THSD7A: variants seen among roughly 807,000 people sequenced by gnomAD.
THSD7A encodes the protein thrombospondin type 1 domain containing 7A, also known as thrombospondin type-1 domain-containing protein 7A.
THSD7A carries 96 observed loss-of-function variants against 231.3 expected under a neutral mutation model. The observed-to-expected ratio is 0.41, with a 90% CI of 0.35 to 0.49. The LOEUF (loss-of-function observed/expected upper bound fraction) is 0.49. Among genes scored for constraint, THSD7A ranks in the 20% least tolerant of loss-of-function variants. THSD7A has a pLI of 0.05. For missense variants in THSD7A, 2,290 were observed against 2,070.2 expected (o/e 1.11, Z -2.06); for synonymous variants, 940 against 743.3 (o/e 1.26, Z -4.30).
intron 17 of THSD7A, among the ~76,000 whole-genome samples, chr7:11,413,058 C>T (rs1783838099): frequency 6.6e-6 from 1 of 151,938 alleles, no homozygotes; most frequent in South Asian, 2.1e-4. Flanking sequence ...CACAGCCACA[C>T]ATATGGTGGT....
At chr7:11,620,346 T>G (rs10486147) in intron 2 of THSD7A, among the ~76,000 whole-genome samples, 29,379 of 152,116 alleles carry the variant, frequency 0.19, 5,088 homozygotes, top group African/African-American at 0.46. Context: ...TGCAGTTACT[T>G]TTGTAGATAA....
intron 1 of THSD7A, among the ~76,000 whole-genome samples, chr7:11,701,114 AT>A (rs914423033): frequency 3.3e-5 from 5 of 151,174 alleles, no homozygotes; most frequent in African/African-American, 1.2e-4. Context: ...ATGTAATATA[AT>A]TTTTTTAGAG....
intron 4 of THSD7A, among the ~76,000 whole-genome samples, chr7:11,554,209 A>G (rs924558998): frequency 1.3e-5 from 2 of 151,984 alleles, no homozygotes; most frequent in African/African-American, 4.8e-5. Flanking sequence ...GCCTTTGCAA[A>G]CGTAATTAGT....
intron 4 of THSD7A, among the ~76,000 whole-genome samples, chr7:11,554,888 T>C (rs1415076592): frequency 1.3e-5 from 2 of 151,962 alleles, no homozygotes; most frequent in African/African-American, 4.8e-5. Flanking sequence ...AATTTATGTG[T>C]ATCAGGTTGT....
At chr7:11,706,272 G>T (rs1168708884) in intron 1 of THSD7A, among the ~76,000 whole-genome samples, 1 of 150,844 alleles carries the variant, frequency 6.6e-6, no homozygotes, top group Non-Finnish European at 1.5e-5. Flanking sequence ...CAACCCAAGT[G>T]CTGTGGTCTT....
chr7:11,372,727 G>A lies in THSD7A; in HGVS notation c.*3067C>T, dbSNP rs376194377. 6.6e-6 allele frequency: 1 copy of A among 151,960 alleles called. No individual in the cohort carries two copies. Among genetic ancestry groups the A allele is most frequent in the African/African-American group, 2.4e-5 (1 of 41,394 alleles). 9.4% of individuals were successfully genotyped at this position (151,960 alleles called of 1,614,324 possible). On this transcript the variant is annotated 3_prime_UTR_variant, in exon 28 of 28. Coordinates refer to ENST00000423059, the MANE Select transcript of THSD7A (RefSeq NM_015204.3). The stretch of plus-strand genomic sequence containing the variant: ...GTTCTACATCTTTTACCCCCTCGGT[G>A]AGGTAAAAGTGTCAATAGAGAAGTT...
chr7:11,541,300 T>C (rs1789135481), intron 6 of THSD7A, 119 bp downstream of exon 6: 4 of 963,820 alleles, frequency 4.2e-6, no homozygotes, highest in Non-Finnish European at 6.4e-6. Context: ...AAGCAGCTAT[T>C]TCTACGTTTG....
At chr7:11,512,040 C>G (rs942480212) in intron 6 of THSD7A, among the ~76,000 whole-genome samples, 2 of 152,114 alleles carry the variant, frequency 1.3e-5, no homozygotes, top group African/African-American at 4.8e-5. Flanking sequence ...ACTCATCTGA[C>G]AAAGGGCTAA....
At chr7:11,638,575 A>T (rs184589193) in intron 1 of THSD7A, among the ~76,000 whole-genome samples, 1 of 152,218 alleles carries the variant, frequency 6.6e-6, no homozygotes, top group Admixed American at 6.5e-5. Context: ...TGTGCTAACT[A>T]ATCATTATTG....
chr7:11,828,722 T>TAGAC lies in THSD7A; in HGVS notation c.190+3034_190+3035insGTCT, dbSNP rs1460612988. ...TTGTGAGTTGACTTAATAAAGCACA[T>TAGAC]AGATAGATAGATAGATAGATATTTA... On this transcript the variant is annotated intron_variant, in intron 1 of 27. Coordinates refer to ENST00000423059, the MANE Select transcript of THSD7A (RefSeq NM_015204.3). 2.0e-5 allele frequency among the ~76,000 whole-genome samples: 3 copies of TAGAC among 149,800 alleles called. No homozygotes were observed. In the South Asian group the frequency reaches 6.3e-4, roughly 31 times the overall value.
chr7:11,742,373 C>T (rs531932116), intron 1 of THSD7A, among the ~76,000 whole-genome samples: 2 of 151,944 alleles, frequency 1.3e-5, no homozygotes, highest in South Asian at 2.1e-4. Context: ...AAAAAATACG[C>T]CCTTTGCCTA....
At chr7:11,548,427 A>C (rs1036454638) in intron 4 of THSD7A, among the ~76,000 whole-genome samples, 1 of 152,074 alleles carries the variant, frequency 6.6e-6, no homozygotes, top group African/African-American at 2.4e-5. Context: ...ATTCTACCAT[A>C]TATATATAAA....
chr7:11,464,391 A>C (rs546327782), intron 9 of THSD7A, among the ~76,000 whole-genome samples: 46 of 152,264 alleles, frequency 3.0e-4, no homozygotes, highest in South Asian at 1.2e-3. Context: ...GGAGACAATG[A>C]GTTCAGCATT....
At chr7:11,595,460 A>G (rs1562755491) in intron 2 of THSD7A, among the ~76,000 whole-genome samples, 1 of 152,146 alleles carries the variant, frequency 6.6e-6, no homozygotes, top group Non-Finnish European at 1.5e-5. Flanking sequence ...AGTTAAAAAA[A>G]GGTTCTAATG....
At chr7:11,828,446 C>T (rs1469544145) in intron 1 of THSD7A, among the ~76,000 whole-genome samples, 1 of 152,142 alleles carries the variant, frequency 6.6e-6, no homozygotes. Context: ...CTTTGCGACC[C>T]TTCACACCTC....
At chr7:11,752,052 A>G (rs192856677) in intron 1 of THSD7A, among the ~76,000 whole-genome samples, 1 of 152,254 alleles carries the variant, frequency 6.6e-6, no homozygotes, top group Non-Finnish European at 1.5e-5. Flanking sequence ...TCTGTCCATC[A>G]AATATTTATT....
chr7:11,829,326 T>G (rs546126031), intron 1 of THSD7A, among the ~76,000 whole-genome samples: 187 of 152,238 alleles, frequency 1.2e-3, no homozygotes, highest in Non-Finnish European at 2.4e-3. Flanking sequence ...GACATATGCA[T>G]TCATATATAT....
intron 26 of THSD7A, chr7:11,378,802 G>A (rs1394766583): frequency 1.3e-5 from 5 of 387,104 alleles, no homozygotes; most frequent in African/African-American, 4.1e-5. Flanking sequence ...AATTATACTT[G>A]TAATTTTTGG....
chr7:11,376,542 T>C, intron 27 of THSD7A, 28 bp downstream of exon 27: 1 of 1,510,836 alleles, frequency 6.6e-7, no homozygotes, highest in South Asian at 1.2e-5. Flanking sequence ...AAGTATCTCT[T>C]TGGATTTTTA....
Sources: gnomAD v4.1 joint callset for allele counts (sites outside exome capture counted in the v4.1 genomes callset) on GRCh38, gnomAD v4.1.1 for gene constraint, MANE v1.5 for transcripts, NCBI Gene and HGNC (gene_info 2026-07-23, HGNC 2026-07-21) for gene names.